Variants in CREB5 observed in about 807,000 individuals in gnomAD.
The protein encoded by CREB5 is cyclic AMP-responsive element-binding protein 5.
A neutral mutation model predicts 57.1 loss-of-function variants in CREB5; 19 were observed. The observed-to-expected ratio is 0.33, with a 90% CI of 0.23 to 0.49. The LOEUF is 0.49. Ranked by LOEUF, CREB5 falls within the 20% of genes least tolerant of loss-of-function variation. The probability of loss-of-function intolerance (pLI) is 0.99; values close to 1 mark genes in which losing one functional copy is unlikely to be tolerated. For synonymous variants in CREB5, 238 were observed against 238.3 expected, an observed-to-expected ratio of 1.00 and a Z score of 0.01; for missense variants, 579 against 671.6, an observed-to-expected ratio of 0.86 and a Z score of 1.52.
intron 4 of CREB5, among the ~76,000 whole-genome samples, chr7:28,563,000 C>A (rs1795339108): frequency 6.6e-6 from 1 of 152,120 alleles, no homozygotes. Context: ...TAGAGCTGAG[C>A]TTTTCCACTT....
chr7:28,737,562 TATATATATATATATATA>T (rs1562606564), intron 7 of CREB5, among the ~76,000 whole-genome samples: 35 of 110,152 alleles, frequency 3.2e-4, no homozygotes, highest in Non-Finnish European at 6.4e-4. Flanking sequence ...TATATATATA[TATATATATATATATATA>T]TATATATATT....
chr7:28,370,919 A>G (rs1442240500), intron 1 of CREB5, among the ~76,000 whole-genome samples: 1 of 152,258 alleles, frequency 6.6e-6, no homozygotes, highest in Non-Finnish European at 1.5e-5. Flanking sequence ...AAGCAGCAGT[A>G]AAAATGCAAA....
chr7:28,759,240 A>G (rs1805510579), intron 7 of CREB5, among the ~76,000 whole-genome samples: 1 of 152,216 alleles, frequency 6.6e-6, no homozygotes, highest in South Asian at 2.1e-4. Flanking sequence ...CTGGAAACTC[A>G]GCTGAGTTTG....
intron 6 of CREB5, among the ~76,000 whole-genome samples, chr7:28,720,322 T>C (rs1802955295): frequency 6.6e-6 from 1 of 152,226 alleles, no homozygotes; most frequent in Non-Finnish European, 1.5e-5. Flanking sequence ...ATTGTTTCCA[T>C]TGTTATTTCA....
chr7:28,618,444 A>G (rs1763847396), intron 5 of CREB5, among the ~76,000 whole-genome samples: 1 of 152,124 alleles, frequency 6.6e-6, no homozygotes, highest in Admixed American at 6.6e-5. Context: ...GAGTCAACAC[A>G]TCTGCTTCCT....
At chr7:28,374,454 T>G (rs375360168) in intron 1 of CREB5, among the ~76,000 whole-genome samples, 27 of 152,138 alleles carry the variant, frequency 1.8e-4, no homozygotes, top group African/African-American at 6.3e-4. Context: ...TATTAACAAG[T>G]AAGTGGATAA....
At chr7:28,766,357 C>T (rs1364697805) in intron 7 of CREB5, among the ~76,000 whole-genome samples, 3 of 152,188 alleles carry the variant, frequency 2.0e-5, no homozygotes, top group African/African-American at 7.2e-5. Flanking sequence ...CCCAACTCCA[C>T]TAGCCGTGAG....
At chr7:28,748,834 G>A (rs1195308501) in intron 7 of CREB5, among the ~76,000 whole-genome samples, 1 of 152,172 alleles carries the variant, frequency 6.6e-6, no homozygotes, top group Non-Finnish European at 1.5e-5. Context: ...ATTCTGCCTG[G>A]AAAGGAATAA....
upstream of CREB5, among the ~76,000 whole-genome samples, chr7:28,411,954 G>GAA (rs74631431): frequency 4.0e-5 from 6 of 151,700 alleles, no homozygotes; most frequent in African/African-American, 1.2e-4. Context: ...AGACTTAAAG[G>GAA]AAAAAAAATG....
chr7:28,814,706 C>A (rs1809325985), intron 9 of CREB5, among the ~76,000 whole-genome samples: 2 of 152,082 alleles, frequency 1.3e-5, no homozygotes, highest in Non-Finnish European at 2.9e-5. Flanking sequence ...GTAGTTCAAC[C>A]ATCGTGTTTT....
intron 1 of CREB5, among the ~76,000 whole-genome samples, chr7:28,402,490 A>T (rs939746400): frequency 1.3e-5 from 2 of 152,222 alleles, no homozygotes; most frequent in Admixed American, 6.5e-5. Context: ...AGACAAATGG[A>T]ACAGAACAGA....
intron 1 of CREB5, among the ~76,000 whole-genome samples, chr7:28,401,428 T>G (rs938343535): frequency 6.6e-6 from 1 of 152,226 alleles, no homozygotes; most frequent in African/African-American, 2.4e-5. Flanking sequence ...TTTTATTTTT[T>G]TATAATGTAA....
At chr7:28,774,615 G>A (rs1011736097) in intron 7 of CREB5, among the ~76,000 whole-genome samples, 3 of 152,100 alleles carry the variant, frequency 2.0e-5, no homozygotes, top group African/African-American at 7.2e-5. Context: ...TATTTCACAC[G>A]TATTTTCTAG....
At chr7:28,754,929 C>T (rs188716602) in intron 7 of CREB5, among the ~76,000 whole-genome samples, 29 of 152,286 alleles carry the variant, frequency 1.9e-4, no homozygotes, top group Admixed American at 1.6e-3. Flanking sequence ...AAAATCTTTC[C>T]TGGAAAACTT....
chr7:28,805,186 A>G (rs1344335448), intron 8 of CREB5, among the ~76,000 whole-genome samples: 1 of 152,202 alleles, frequency 6.6e-6, no homozygotes, highest in Non-Finnish European at 1.5e-5. Flanking sequence ...AGAAAGGCCA[A>G]ATCCCAGTGG....
intron 5 of CREB5, among the ~76,000 whole-genome samples, chr7:28,658,983 A>ATATATATATATATATATATGTGTGTG (rs1799479358): frequency 7.6e-6 from 1 of 131,262 alleles, no homozygotes; most frequent in African/African-American, 3.2e-5. Context: ...ATATATATGT[A>ATATATATATATATATATATGTGTGTG]TATATAAGTC....
intron 4 of CREB5, among the ~76,000 whole-genome samples, chr7:28,551,846 T>TTTA (rs1562791072): frequency 2.0e-5 from 3 of 150,142 alleles, no homozygotes; most frequent in Non-Finnish European, 4.4e-5. Context: ...TCTTTCTTTT[T>TTTA]CTTTCTTTCT....
chr7:28,667,604 A>G (rs533925286), intron 5 of CREB5, among the ~76,000 whole-genome samples: 109 of 83,574 alleles, frequency 1.3e-3, no homozygotes, highest in African/African-American at 4.4e-3. Flanking sequence ...GAGAGAAAAG[A>G]AAAAAAAGAT....
intron 5 of CREB5, among the ~76,000 whole-genome samples, chr7:28,683,173 G>T (rs1245539804): frequency 6.6e-6 from 1 of 152,170 alleles, no homozygotes; most frequent in Non-Finnish European, 1.5e-5. Flanking sequence ...CAGAGGAGCA[G>T]CTAGGACATG....
Sources: allele counts gnomAD v4.1 joint callset (sites outside exome capture counted in the v4.1 genomes callset), GRCh38; gene constraint gnomAD v4.1.1; transcripts MANE v1.5; gene names NCBI Gene and HGNC (gene_info 2026-07-23, HGNC 2026-07-21).